Variants in F8 observed in about 807,000 individuals in gnomAD.
F8 encodes coagulation factor VIII, also known as antihemophilic factor.
Under a neutral mutation model 140.6 loss-of-function variants are expected in F8, and 12 were observed. That is an observed-to-expected ratio of 0.09 (90% CI 0.05 to 0.14). The LOEUF (loss-of-function observed/expected upper bound fraction) is 0.14, where lower values mean the gene tolerates loss of function less well. Ranked by LOEUF, F8 falls within the 10% of genes least tolerant of loss-of-function variation. F8 has a pLI of 1.00. For missense variants in F8, 1,354 were observed against 1,720.7 expected, an observed-to-expected ratio of 0.79 and a Z score of 3.77; for synonymous variants, 585 against 614.6, an observed-to-expected ratio of 0.95 and a Z score of 0.71.
intron 1 of F8, among the ~76,000 whole-genome samples, chrX:155,020,804 C>T (rs1199478100): frequency 2.7e-5 from 3 of 112,233 alleles, no homozygotes; most frequent in Non-Finnish European, 5.6e-5. Flanking sequence ...CACTCTACAC[C>T]TGTAAAATTG....
chrX:154,983,572 C>T (rs782564544), intron 6 of F8, among the ~76,000 whole-genome samples: 11 of 111,572 alleles, frequency 9.9e-5, no homozygotes, highest in African/African-American at 2.9e-4. Flanking sequence ...ATAAAATTAA[C>T]GGTAGTAGCC....
At chrX:154,985,859 G>T (rs1557284162) in intron 5 of F8, among the ~76,000 whole-genome samples, 1 of 112,191 alleles carries the variant, frequency 8.9e-6, no homozygotes, top group Non-Finnish European at 1.9e-5. Flanking sequence ...ATGAGAGTAG[G>T]GTGTTACAGG....
intron 3 of F8, among the ~76,000 whole-genome samples, chrX:154,994,155 A>G (rs1466937347): frequency 6.2e-5 from 7 of 112,571 alleles, no homozygotes; most frequent in Non-Finnish European, 1.1e-4. Context: ...TGTTTAATAT[A>G]AAGAATTTAA....
At chrX:154,878,676 A>G (rs1256762434) in intron 22 of F8, among the ~76,000 whole-genome samples, 1 of 111,685 alleles carries the variant, frequency 9.0e-6, no homozygotes, top group African/African-American at 3.2e-5. Context: ...ATCCAAATTG[A>G]AAAGGAATAA....
chrX:154,860,997 T>A, intron 24 of F8, among the ~76,000 whole-genome samples: 1 of 110,760 alleles, frequency 9.0e-6, no homozygotes, highest in Non-Finnish European at 1.9e-5. Flanking sequence ...CTGCCCGGCC[T>A]CCTTCCTTCC....
At chrX:154,984,031 C>T (rs1345720799) in intron 6 of F8, among the ~76,000 whole-genome samples, 1 of 111,646 alleles carries the variant, frequency 9.0e-6, no homozygotes. Context: ...ATTTTCCATA[C>T]ACTTGGTGCT....
At chrX:154,860,244 A>C (rs1438312350) in intron 25 of F8, among the ~76,000 whole-genome samples, 188 bp downstream of exon 25, 2 of 111,602 alleles carry the variant, frequency 1.8e-5, no homozygotes, top group African/African-American at 6.5e-5. Flanking sequence ...TTTTCTCAGT[A>C]TTTTACCTTT....
chrX:154,981,765 T>C (rs952057013), intron 6 of F8, among the ~76,000 whole-genome samples: 1 of 111,745 alleles, frequency 8.9e-6, no homozygotes, highest in Non-Finnish European at 1.9e-5. Flanking sequence ...TTATATGCAG[T>C]TTTTTTTCAA....
In F8 at chrX:154,966,440, G is replaced by A. The variant is rs2073424303; in HGVS notation, c.1257C>T (p.Leu419=). 2 of 1,211,087 alleles carry A rather than the reference G, an allele frequency of 1.7e-6. No individual in the cohort carries two copies. The highest frequency in any genetic ancestry group is 2.2e-6 in the Non-Finnish European group (2 of 895,186). ...AAAGTGCTTACCTGTCATCGGGGGC[G>A]AGGACTAAGGGAGCATAGTCCCAGT... ...EEDWDYAPLV[L]APDDRSYKSQ... The change falls in exon 8 of 26, where the codon CTC becomes CTT. Residue 419 remains leucine (L), a synonymous_variant. Coordinates refer to ENST00000360256, the MANE Select transcript of F8 (RefSeq NM_000132.4).
intron 22 of F8, among the ~76,000 whole-genome samples, chrX:154,870,694 C>T (rs192726310): frequency 2.7e-4 from 30 of 111,346 alleles, no homozygotes; most frequent in African/African-American, 9.8e-4. Context: ...AAGTTCTGGC[C>T]AGGGCAATCA....
chrX:154,950,599 A>G (rs1557280658), intron 12 of F8, among the ~76,000 whole-genome samples: 1 of 112,099 alleles, frequency 8.9e-6, no homozygotes, highest in East Asian at 2.8e-4. Flanking sequence ...GATGTACATC[A>G]CAATGTTTAT....
chrX:154,946,873 C>CAA (rs781945404), intron 13 of F8, among the ~76,000 whole-genome samples: 6 of 109,515 alleles, frequency 5.5e-5, no homozygotes, highest in African/African-American at 1.7e-4. Context: ...TAGTCAATAG[C>CAA]AAAAAAAACA....
At chrX:154,997,544 A>T (rs1392694208) in intron 2 of F8, among the ~76,000 whole-genome samples, 1 of 112,260 alleles carries the variant, frequency 8.9e-6, no homozygotes, top group African/African-American at 3.2e-5. Context: ...GTGACATTTG[A>T]GTAGAGATCT....
At chrX:154,951,537 T>C (rs1345504574) in intron 12 of F8, among the ~76,000 whole-genome samples, 2 of 112,305 alleles carry the variant, frequency 1.8e-5, no homozygotes, top group African/African-American at 6.5e-5. Context: ...AAATTGTCTT[T>C]GTGATACTTA....
chrX:154,873,717 A>C (rs902197993), intron 22 of F8, among the ~76,000 whole-genome samples: 1 of 112,341 alleles, frequency 8.9e-6, no homozygotes. Context: ...ATTTTTGACA[A>C]GGGTGCCAAG....
At chrX:154,839,596 T>G (rs1413066042) in intron 25 of F8, among the ~76,000 whole-genome samples, 1 of 110,774 alleles carries the variant, frequency 9.0e-6, no homozygotes, top group Non-Finnish European at 1.9e-5. Context: ...TCTCCTGACC[T>G]CGTGATCCAC....
At chrX:154,949,336 C>T (rs1216517654) in intron 12 of F8, among the ~76,000 whole-genome samples, 2 of 112,017 alleles carry the variant, frequency 1.8e-5, no homozygotes, top group African/African-American at 6.5e-5. Flanking sequence ...GGCAAAAATG[C>T]CCAACTGTAA....
rs1557276362 is a variant in F8 at position 154,906,423 on chromosome X, G to T, written c.5370C>A (p.Ile1790=). 8.3e-7 allele frequency: 1 copy of T among 1,207,950 alleles called. No homozygotes were observed. Among genetic ancestry groups the T allele is most frequent in the Admixed American group, 2.2e-5 (1 of 45,876 alleles). The part of the protein sequence containing the change: ...PYIRAEVEDN[I]MVTFRNQASR... ...AATTCCACTGTCCTTAACTCACCAT[G>T]ATATTATCTTCAACTTCTGCTCTTA... Residue 1790 remains isoleucine (I), a synonymous_variant, in exon 15 of 26, where the codon ATC becomes ATA. Coordinates refer to ENST00000360256, the MANE Select transcript of F8 (RefSeq NM_000132.4).
intron 25 of F8, among the ~76,000 whole-genome samples, chrX:154,843,808 G>A (rs984465454): frequency 1.8e-5 from 2 of 111,828 alleles, no homozygotes; most frequent in South Asian, 3.7e-4. Context: ...GATCCCATTT[G>A]TCAATTTTGG....
Sources: gnomAD v4.1 joint callset for allele counts (sites outside exome capture counted in the v4.1 genomes callset) on GRCh38, gnomAD v4.1.1 for gene constraint, MANE v1.5 for transcripts, NCBI Gene and HGNC (gene_info 2026-07-23, HGNC 2026-07-21) for gene names.